OR2C1: variants seen among roughly 807,000 people sequenced by gnomAD.
OR2C1 encodes olfactory receptor 2C1.
For missense variants in OR2C1, 468 were observed against 388.3 expected (o/e 1.21, Z -1.73); for synonymous variants, 209 against 167.3 (o/e 1.25, Z -1.92).
At chr16:3,328,941 A>T in the OR2C1 span, among the ~76,000 whole-genome samples, 2 of 151,920 alleles carry the variant, frequency 1.3e-5, no homozygotes, top group Admixed American at 1.3e-4. Context: ...GTGCACAGGG[A>T]ATAGTAAACA....
the OR2C1 span, among the ~76,000 whole-genome samples, chr16:3,347,651 G>A: frequency 6.6e-6 from 1 of 151,960 alleles, no homozygotes; most frequent in Admixed American, 6.6e-5. Context: ...GAGATCATAC[G>A]ATGTGCATTG....
chr16:3,353,814 G>C (rs945484240), upstream of OR2C1, among the ~76,000 whole-genome samples: 4 of 150,818 alleles, frequency 2.7e-5, no homozygotes, highest in African/African-American at 9.8e-5. Flanking sequence ...AAAAGAGAAA[G>C]AAGGAAGGAA....
chr16:3,354,951 G>C (rs747461605), upstream of OR2C1, among the ~76,000 whole-genome samples: 1 of 152,024 alleles, frequency 6.6e-6, no homozygotes, highest in Non-Finnish European at 1.5e-5. Context: ...CTGACTGAAA[G>C]TTTTTGAGAA....
the OR2C1 span, among the ~76,000 whole-genome samples, chr16:3,336,848 A>G: frequency 2.6e-5 from 4 of 151,064 alleles, no homozygotes; most frequent in Non-Finnish European, 2.9e-5. Context: ...AGCTGGGATT[A>G]TAGGCATGTG....
chr16:3,328,050 T>C, the OR2C1 span, among the ~76,000 whole-genome samples: 12 of 152,352 alleles, frequency 7.9e-5, no homozygotes, highest in East Asian at 2.3e-3. Context: ...TTTGTTATCA[T>C]GCTTCCTTGT....
the OR2C1 span, among the ~76,000 whole-genome samples, chr16:3,336,956 T>C: frequency 1.3e-5 from 2 of 150,236 alleles, no homozygotes; most frequent in Non-Finnish European, 1.5e-5. Flanking sequence ...GATCCGCCCA[T>C]CTTGGCCTCC....
chr16:3,342,667 C>T, the OR2C1 span, among the ~76,000 whole-genome samples: 2 of 152,080 alleles, frequency 1.3e-5, no homozygotes, highest in African/African-American at 2.4e-5. Flanking sequence ...ATCATGAGGT[C>T]GGGAGTTCGA....
the OR2C1 span, among the ~76,000 whole-genome samples, chr16:3,338,353 A>G: frequency 3.3e-5 from 5 of 152,056 alleles, no homozygotes; most frequent in Admixed American, 1.3e-4. Flanking sequence ...GTGACCCAAG[A>G]TGGTGAGGAA....
chr16:3,354,124 C>T (rs1048555699), upstream of OR2C1, among the ~76,000 whole-genome samples: 8 of 151,946 alleles, frequency 5.3e-5, no homozygotes, highest in African/African-American at 1.7e-4. Context: ...GCTGGGGCTG[C>T]AGGCGCCCGC....
Position 3,356,441 on chromosome 16 carries a change from A to G in OR2C1, c.501A>G (p.Pro167=), listed in dbSNP as rs199586351. ...VIQSTFTLQL[P]LCGHRRVEGF... ...AGTCAACATTCACTCTGCAGCTCCC[A>G]TTGTGTGGGCACCGGAGGGTGGAGG... The change falls in exon 1 of 1, where the codon CCA becomes CCG. Residue 167 remains proline, a synonymous_variant. Transcript: ENST00000304936. 127 of 1,613,868 alleles carry G rather than the reference A, an allele frequency of 7.9e-5. No individual in the cohort carries two copies. The highest frequency in any genetic ancestry group is 9.8e-5 in the Non-Finnish European group (116 of 1,180,034).
At chr16:3,323,836 C>G in the OR2C1 span, 1 of 1,245,382 alleles carries the variant, frequency 8.0e-7, no homozygotes, top group Non-Finnish European at 1.1e-6. Context: ...CCTGCTTTGT[C>G]TGAGTGGCTT....
At position 3,356,150 on chromosome 16, in the gene OR2C1, C is replaced by T. The variant is rs774396040; in HGVS notation, c.210C>T (p.Asp70=). 1 of 1,614,208 alleles carries T rather than the reference C, an allele frequency of 6.2e-7. No individual in the cohort carries two copies. The highest frequency in any genetic ancestry group is 1.7e-5 in the Admixed American group (1 of 60,018). The part of the protein sequence containing the change: ...YFFLSNLSSL[D]LAFATSSVPQ... ...TCCTCAGCAACCTCTCCTCCTTGGA[C>T]CTTGCTTTCGCTACTAGTTCAGTCC... is the stretch of plus-strand genomic sequence containing the variant. Residue 70 remains aspartate, a synonymous_variant, in exon 1 of 1, where the codon GAC becomes GAT. Coordinates refer to ENST00000304936, the MANE Select transcript of OR2C1 (RefSeq NM_012368.3).
chr16:3,341,169 G>A, the OR2C1 span, among the ~76,000 whole-genome samples: 1 of 151,818 alleles, frequency 6.6e-6, no homozygotes, highest in African/African-American at 2.4e-5. Flanking sequence ...CATCTACTTG[G>A]TTGAATTTAT....
Position 3,356,932 on chromosome 16 carries a change from T to C in OR2C1, c.*53T>C, listed in dbSNP as rs1284054672. On this transcript the variant is annotated 3_prime_UTR_variant, in exon 1 of 1. Coordinates refer to ENST00000304936, the MANE Select transcript of OR2C1 (RefSeq NM_012368.3). ...TCTTCATCTCTACATGCGTTTCTCA[T>C]TAACTCTCTCTGGCCAGGTGAACAT... 1 of 1,393,306 alleles carries C rather than the reference T, an allele frequency of 7.2e-7. No homozygotes were observed. The highest frequency in any genetic ancestry group is 2.5e-5 in the East Asian group (1 of 40,026). 86.3% of individuals were successfully genotyped at this position (1,393,306 alleles called of 1,614,324 possible). A position where few individuals can be genotyped will look rare whatever the true frequency, so the allele number is the denominator to read the frequency against.
At chr16:3,336,346 T>C in the OR2C1 span, among the ~76,000 whole-genome samples, 27 of 152,178 alleles carry the variant, frequency 1.8e-4, no homozygotes, top group African/African-American at 5.8e-4. Context: ...TATTGGCCTG[T>C]AGTTTTCTTT....
Position 3,356,214 on chromosome 16 carries a change from A to G in OR2C1, c.274A>G (p.Ile92Val). 6 of 1,614,222 alleles carry G rather than the reference A, an allele frequency of 3.7e-6. No individual in the cohort carries two copies. The highest frequency in any genetic ancestry group is 5.1e-6 in the Non-Finnish European group (6 of 1,180,042). The change falls in exon 1 of 1, where the codon ATC (isoleucine) becomes GTC (valine). Residue 92 changes from isoleucine to valine, a missense_variant. Ile to Val is a conservative substitution (Grantham distance 29). Transcript: ENST00000304936. ...LINLWGPGKT[I>V]SYGGCITQLY... ...CAATTTATGGGGACCAGGCAAGACCATCAGCTATGGTGGCTGCATAACCCA... is the reference window on the plus strand; with the variant it reads ...CAATTTATGGGGACCAGGCAAGACCGTCAGCTATGGTGGCTGCATAACCCA...
the OR2C1 span, among the ~76,000 whole-genome samples, chr16:3,327,305 A>T: frequency 6.6e-6 from 1 of 152,102 alleles, no homozygotes; most frequent in African/African-American, 2.4e-5. Context: ...AATCTCAGAC[A>T]TTCTAACATT....
chr16:3,347,205 C>G, the OR2C1 span, among the ~76,000 whole-genome samples: 1 of 145,042 alleles, frequency 6.9e-6, no homozygotes, highest in Non-Finnish European at 1.5e-5. Flanking sequence ...CAAGATGGTG[C>G]CACTGCACTC....
At chr16:3,341,036 A>T in the OR2C1 span, among the ~76,000 whole-genome samples, 188 of 151,814 alleles carry the variant, frequency 1.2e-3, no homozygotes, top group African/African-American at 4.1e-3. Flanking sequence ...CTTGTAGATC[A>T]CTTTGGGGAG....
Sources: gnomAD v4.1 joint callset for allele counts (sites outside exome capture counted in the v4.1 genomes callset) on GRCh38, gnomAD v4.1.1 for gene constraint, MANE v1.5 for transcripts, NCBI Gene and HGNC (gene_info 2026-07-23, HGNC 2026-07-21) for gene names.